ACTR2: variants seen among roughly 807,000 people sequenced by gnomAD.
ACTR2 encodes actin-related protein 2.
In ACTR2, 5 loss-of-function variants were observed where a neutral mutation model predicts 50.2. The observed-to-expected ratio is 0.10, with a 90% CI of 0.05 to 0.21. ACTR2 has a LOEUF of 0.21. Ranked by LOEUF, ACTR2 falls within the 10% of genes least tolerant of loss-of-function variation. The pLI, the probability that ACTR2 is intolerant of heterozygous loss-of-function variation, is 1.00. For missense variants in ACTR2, 180 were observed against 480.6 expected, an observed-to-expected ratio of 0.37 and a Z score of 5.85; for synonymous variants, 140 against 162.9, an observed-to-expected ratio of 0.86 and a Z score of 1.07.
chr2:65,243,683 A>T (rs1300948540), intron 2 of ACTR2, among the ~76,000 whole-genome samples: 3 of 152,150 alleles, frequency 2.0e-5, no homozygotes, highest in African/African-American at 7.2e-5. Context: ...TCTTCTAGGG[A>T]TTTAATTGTG....
intron 7 of ACTR2, among the ~76,000 whole-genome samples, chr2:65,264,800 A>G (rs1360286144): frequency 6.6e-6 from 1 of 152,222 alleles, no homozygotes; most frequent in Non-Finnish European, 1.5e-5. Flanking sequence ...TATATTCACA[A>G]AAAAGTGTAT....
Position 65,252,750 on chromosome 2 carries a change from C to T in ACTR2, c.449-978C>T, listed in dbSNP as rs970883879. On this transcript the variant is annotated intron_variant, in intron 4 of 8. Transcript: ENST00000260641. Reference sequence around the variant, plus strand: ...TTGAGAAGCCAAGGTGGTCAAATTGCTGTATCTCCAGAGTTTGAGACCAGC... The same window carrying T: ...TTGAGAAGCCAAGGTGGTCAAATTGTTGTATCTCCAGAGTTTGAGACCAGC... Among the ~76,000 whole-genome samples the T allele has an allele frequency of 2.6e-5, 4 of 152,170 alleles. No individual in the cohort carries two copies. The East Asian group carries it at 5.8e-4, about 22-fold the overall frequency.
chr2:65,261,249 C>G lies in ACTR2; in HGVS notation c.738C>G (p.Leu246=). The part of the protein sequence containing the change: ...ETTVLVESYT[L]PDGRIIKVGG... ...ACCTGATTATTCTTGGTTTCTAGCT[C>G]CCAGATGGACGTATCATCAAAGTTG... Residue 246 remains leucine (L), a splice_region_variant and synonymous_variant, in exon 7 of 9, where the codon CTC becomes CTG. Transcript: ENST00000260641. 1.9e-6 allele frequency: 3 copies of G among 1,613,840 alleles called. No homozygotes were observed. Among genetic ancestry groups the G allele is most frequent in the South Asian group, 1.1e-5 (1 of 91,030 alleles).
intron 3 of ACTR2, among the ~76,000 whole-genome samples, chr2:65,250,424 C>T (rs1431196023): frequency 6.6e-6 from 1 of 151,632 alleles, no homozygotes; most frequent in Non-Finnish European, 1.5e-5. Flanking sequence ...CCTGTAATCC[C>T]AGCACTTTGG....
In ACTR2 at chr2:65,242,677, C is replaced by G. The variant is rs548271332; in HGVS notation, c.159+2715C>G. The G allele has an allele frequency of 6.8e-5, 34 of 499,554 alleles. No individual in the cohort carries two copies. In the African/African-American group the frequency reaches 7.1e-4, roughly 10 times the overall value. The allele number at this position is 499,554 out of a possible 1,614,324, so 30.9% of individuals were successfully genotyped here. A position where few individuals can be genotyped will look rare whatever the true frequency, so the allele number is the denominator to read the frequency against. On this transcript the variant is annotated intron_variant, in intron 2 of 8. Transcript: ENST00000260641. The stretch of plus-strand genomic sequence containing the variant: ...AAGCTTTTCTATAAACAACAGATTT[C>G]CCCCCCAAACATTGTACAGTGTGTT...
chr2:65,230,499 C>CCTCCTGGGCTCAAGCGGTT lies in ACTR2; in HGVS notation c.48+2549_48+2567dup, dbSNP rs1671615099. ...TGATCTCGGCTCTCTGCAACCTCTG[C>CCTCCTGGGCTCAAGCGGTT]CTCCTGGGCTCAAGCGGTTCTCCTG... is the stretch of plus-strand genomic sequence containing the variant. On this transcript the variant is annotated intron_variant, in intron 1 of 8. Transcript: ENST00000260641. Among the ~76,000 whole-genome samples, 4 of 150,180 alleles carry CCTCCTGGGCTCAAGCGGTT rather than the reference C, an allele frequency of 2.7e-5. No individual in the cohort carries two copies. In the South Asian group the frequency reaches 8.4e-4, roughly 32 times the overall value.
At chr2:65,246,313 G>T in intron 2 of ACTR2, 1 of 404,830 alleles carries the variant, frequency 2.5e-6, no homozygotes, top group Non-Finnish European at 4.4e-6. Context: ...TAAAGGTAAG[G>T]TCAATTTATT....
At chr2:65,232,209 T>C (rs1439131174) in intron 1 of ACTR2, among the ~76,000 whole-genome samples, 2 of 152,168 alleles carry the variant, frequency 1.3e-5, no homozygotes, top group Non-Finnish European at 2.9e-5. Flanking sequence ...GCCCCTGGTG[T>C]TACGTGTCTT....
intron 1 of ACTR2, among the ~76,000 whole-genome samples, chr2:65,231,229 A>G (rs1469037655): frequency 6.6e-6 from 1 of 152,196 alleles, no homozygotes; most frequent in Non-Finnish European, 1.5e-5. Context: ...TTAAAATTTT[A>G]TGCAGATTTT....
chr2:65,252,531 G>C lies in ACTR2; in HGVS notation c.449-1197G>C, dbSNP rs1169920246. On this transcript the variant is annotated intron_variant, in intron 4 of 8. Coordinates refer to ENST00000260641, the MANE Select transcript of ACTR2 (RefSeq NM_005722.4). ...ATGGTGGCATGTGCCTGTAATCCCA[G>C]CTACTTGGGAGGCTGAGGCGGGAGA... is the stretch of plus-strand genomic sequence containing the variant. Among the ~76,000 whole-genome samples the C allele has an allele frequency of 2.0e-5, 3 of 152,082 alleles. No homozygotes were observed. The East Asian group carries it at 5.8e-4, about 29-fold the overall frequency.
At chr2:65,249,694 A>G (rs899945221) in intron 3 of ACTR2, among the ~76,000 whole-genome samples, 2 of 152,002 alleles carry the variant, frequency 1.3e-5, no homozygotes, top group African/African-American at 4.8e-5. Flanking sequence ...CTCAGTCAAG[A>G]TCACCAAAAA....
At chr2:65,257,468 A>C (rs1672172393) in intron 6 of ACTR2, among the ~76,000 whole-genome samples, 1 of 152,224 alleles carries the variant, frequency 6.6e-6, no homozygotes. Flanking sequence ...TATACCCAGT[A>C]ATGGGATCGC....
At chr2:65,257,622 AC>A (rs1269206054) in intron 6 of ACTR2, among the ~76,000 whole-genome samples, 2 of 152,132 alleles carry the variant, frequency 1.3e-5, no homozygotes, top group African/African-American at 4.8e-5. Flanking sequence ...TTGTTTCCTG[AC>A]TTTTTAAGGA....
intron 1 of ACTR2, among the ~76,000 whole-genome samples, chr2:65,232,307 A>G (rs1156642776): frequency 3.3e-5 from 5 of 152,256 alleles, no homozygotes; most frequent in Admixed American, 2.6e-4. Context: ...TTGCTGGCAC[A>G]GTGCTTAATA....
At chr2:65,233,906 C>G (rs1038328020) in intron 1 of ACTR2, among the ~76,000 whole-genome samples, 2 of 151,946 alleles carry the variant, frequency 1.3e-5, no homozygotes, top group Admixed American at 6.6e-5. Context: ...CCCCCACACT[C>G]AGCCTTTTTT....
At chr2:65,266,840 A>G (rs1573172261) in intron 8 of ACTR2, among the ~76,000 whole-genome samples, 1 of 152,310 alleles carries the variant, frequency 6.6e-6, no homozygotes, top group Non-Finnish European at 1.5e-5. Context: ...TTATAGCAAG[A>G]TGTTTTGTTT....
intron 7 of ACTR2, among the ~76,000 whole-genome samples, chr2:65,262,094 A>C (rs1250521719): frequency 6.6e-6 from 1 of 152,154 alleles, no homozygotes; most frequent in African/African-American, 2.4e-5. Context: ...CTATTGAGTC[A>C]TTTGAGATTT....
intron 1 of ACTR2, among the ~76,000 whole-genome samples, chr2:65,238,834 G>T (rs1048888692): frequency 5.3e-5 from 8 of 151,958 alleles, no homozygotes; most frequent in Non-Finnish European, 1.2e-4. Context: ...TGGGCATGGT[G>T]GTGGGTGCCT....
intron 7 of ACTR2, among the ~76,000 whole-genome samples, chr2:65,263,737 T>C (rs1672320836): frequency 1.3e-5 from 2 of 152,218 alleles, no homozygotes; most frequent in African/African-American, 2.4e-5. Flanking sequence ...CACAGCAAAA[T>C]TGTATTTAAA....
Sources: allele counts gnomAD v4.1 joint callset (sites outside exome capture counted in the v4.1 genomes callset), GRCh38; gene constraint gnomAD v4.1.1; transcripts MANE v1.5; gene names NCBI Gene and HGNC (gene_info 2026-07-23, HGNC 2026-07-21).